NSD2: variants seen among roughly 807,000 people sequenced by gnomAD.
The protein encoded by NSD2 is histone-lysine N-methyltransferase NSD2.
In NSD2, 12 loss-of-function variants were observed where a neutral mutation model predicts 139.0. The observed-to-expected ratio is 0.09, with a 90% CI of 0.06 to 0.14. NSD2 has a LOEUF of 0.14. NSD2 is among the 10% of genes least tolerant of loss of function. The pLI, the probability that NSD2 is intolerant of heterozygous loss-of-function variation, is 1.00. For missense variants in NSD2, 1,155 were observed against 1,745.0 expected (o/e 0.66, Z 6.02); for synonymous variants, 669 against 648.7 (o/e 1.03, Z -0.48).
chr4:1,874,166 T>C (rs887781740), intron 1 of NSD2, among the ~76,000 whole-genome samples: 2 of 152,240 alleles, frequency 1.3e-5, no homozygotes, highest in Non-Finnish European at 2.9e-5. Context: ...TGTTTTTGTT[T>C]TGTTTTTTGG....
chr4:1,886,752 C>T (rs750044677), intron 1 of NSD2, among the ~76,000 whole-genome samples: 4 of 151,938 alleles, frequency 2.6e-5, no homozygotes, highest in East Asian at 3.9e-4. Context: ...GCAGGGTACT[C>T]GCTTGAACCT....
At chr4:1,947,465 C>G in intron 9 of NSD2, 1 of 1,058,600 alleles carries the variant, frequency 9.4e-7, no homozygotes, top group Non-Finnish European at 1.1e-6. Context: ...AGCCCTGACC[C>G]TAGAATTTAG....
intron 3 of NSD2, 142 bp downstream of exon 3, chr4:1,904,520 A>C (rs1717628847): frequency 1.2e-6 from 1 of 862,194 alleles, no homozygotes; most frequent in Middle Eastern, 2.7e-4. Context: ...GATTGATTCA[A>C]GTGTGATGTG....
intron 18 of NSD2, among the ~76,000 whole-genome samples, chr4:1,966,589 G>C (rs574758473): frequency 6.6e-6 from 1 of 151,490 alleles, no homozygotes; most frequent in East Asian, 1.9e-4. Context: ...CCCGGGAGGC[G>C]GAACTTGCAG....
chr4:1,917,593 C>T (rs1271277773), intron 4 of NSD2, among the ~76,000 whole-genome samples: 3 of 151,898 alleles, frequency 2.0e-5, no homozygotes, highest in Non-Finnish European at 2.9e-5. Flanking sequence ...CCTGCCACCA[C>T]GCCTGGCTAA....
chr4:1,947,379 C>T, intron 9 of NSD2: 2 of 1,061,316 alleles, frequency 1.9e-6, no homozygotes, highest in Non-Finnish European at 2.3e-6. Context: ...AAAGCCTGTG[C>T]AGGTTAGAAG....
At chr4:1,872,722 A>G (rs1250532851) in intron 1 of NSD2, among the ~76,000 whole-genome samples, 1 of 152,058 alleles carries the variant, frequency 6.6e-6, no homozygotes, top group Admixed American at 6.5e-5. Flanking sequence ...CACCTGCTTC[A>G]CAGACTTTCA....
intron 1 of NSD2, among the ~76,000 whole-genome samples, chr4:1,879,409 C>T (rs942949209): frequency 1.3e-5 from 2 of 152,096 alleles, no homozygotes; most frequent in East Asian, 1.9e-4. Flanking sequence ...TTAGTAGAGA[C>T]GGGGTTTCAC....
intron 1 of NSD2, among the ~76,000 whole-genome samples, chr4:1,897,354 G>T (rs1432339746): frequency 6.6e-6 from 1 of 152,040 alleles, no homozygotes; most frequent in African/African-American, 2.4e-5. Flanking sequence ...GCATGGTGGG[G>T]TGCACCTATA....
At chr4:1,951,647 C>G (rs1347774296) in intron 10 of NSD2, among the ~76,000 whole-genome samples, 1 of 152,132 alleles carries the variant, frequency 6.6e-6, no homozygotes, top group Non-Finnish European at 1.5e-5. Flanking sequence ...CCCACAGGAC[C>G]CCAGCCAGGC....
Position 1,947,467 on chromosome 4 carries a change from A to G in NSD2, c.1882-3605A>G, listed in dbSNP as rs1329387206. ...GAGACTCACCCCCAGCCCTGACCCT[A>G]GAATTTAGGGATAGCCAGGAAGTTT... On this transcript the variant is annotated intron_variant, in intron 9 of 21. Transcript: ENST00000508803. 3.8e-6 allele frequency: 4 copies of G among 1,058,456 alleles called. No homozygotes were observed. In the East Asian group the frequency reaches 1.6e-4, roughly 41 times the overall value. The allele number at this position is 1,058,456 out of a possible 1,614,324, so 65.6% of individuals were successfully genotyped here.
At chr4:1,896,596 G>T (rs1245558533) in intron 1 of NSD2, among the ~76,000 whole-genome samples, 1 of 152,108 alleles carries the variant, frequency 6.6e-6, no homozygotes, top group Non-Finnish European at 1.5e-5. Context: ...AAACTGCTGG[G>T]TTCAAGCAAT....
At chr4:1,911,158 G>A (rs536808736) in intron 3 of NSD2, among the ~76,000 whole-genome samples, 1 of 152,120 alleles carries the variant, frequency 6.6e-6, no homozygotes, top group Admixed American at 6.5e-5. Flanking sequence ...GGCTGTGATG[G>A]GGAAAAAAGG....
rs936048684 is a variant in NSD2, at chr4:1,928,574, C to T, written c.1411-2052C>T. Reference sequence around the variant, plus strand: ...GATGATGACACTTTCCTGGCTTCCCCGCAGAAGCCGTCTGTGGTGGCTGTC... The same window carrying T: ...GATGATGACACTTTCCTGGCTTCCCTGCAGAAGCCGTCTGTGGTGGCTGTC... On this transcript the variant is annotated intron_variant, in intron 5 of 21. Transcript: ENST00000508803. Among the ~76,000 whole-genome samples the T allele has an allele frequency of 2.6e-5, 4 of 152,300 alleles. No individual in the cohort carries two copies. In the South Asian group the frequency reaches 6.2e-4, roughly 24 times the overall value.
At position 1,948,025 on chromosome 4, in the gene NSD2, G is replaced by C; in HGVS notation, c.1882-3047G>C. The C allele has an allele frequency of 9.5e-7, 1 of 1,056,174 alleles. No individual in the cohort carries two copies. The highest frequency in any genetic ancestry group is 1.1e-6 in the Non-Finnish European group (1 of 873,426). 65.4% of individuals were successfully genotyped at this position (1,056,174 alleles called of 1,614,324 possible). A position where few individuals can be genotyped will look rare whatever the true frequency, so the allele number is the denominator to read the frequency against. On this transcript the variant is annotated intron_variant, in intron 9 of 21. Coordinates refer to ENST00000508803, the MANE Select transcript of NSD2 (RefSeq NM_001042424.3). This position sits in a 1 kb window ranked among gnomAD's most constrained non-coding sequence, Gnocchi z 4.5. The stretch of plus-strand genomic sequence containing the variant: ...CCGTTATGTTTGGTAATATCATCTT[G>C]AAAAGTCCCTGTAATAGATCAAGGA...
chr4:1,972,675 G>C lies in NSD2; in HGVS notation c.3373-2188G>C, dbSNP rs190443845. Among the ~76,000 whole-genome samples, 46 of 152,228 alleles carry C rather than the reference G, an allele frequency of 3.0e-4. No homozygotes were observed. Among genetic ancestry groups the C allele is most frequent in the African/African-American group, 1.0e-3 (42 of 41,448 alleles). On this transcript the variant is annotated intron_variant, in intron 18 of 21. Coordinates refer to ENST00000508803, the MANE Select transcript of NSD2 (RefSeq NM_001042424.3). The surrounding 1 kb of genome is among the most constrained non-coding windows in gnomAD (Gnocchi z 4.0). ...ATGGATTGAACAGCTAGGAGTGGGGGAGATGCATTTTATAATCTGTGTGGT... is the reference window on the plus strand; with the variant it reads ...ATGGATTGAACAGCTAGGAGTGGGGCAGATGCATTTTATAATCTGTGTGGT...
intron 11 of NSD2, 113 bp downstream of exon 11, chr4:1,952,344 C>T: frequency 6.8e-7 from 1 of 1,479,672 alleles, no homozygotes; most frequent in Non-Finnish European, 9.1e-7. Context: ...CCTCCCCACC[C>T]CCACCGCCTG....
At chr4:1,877,499 A>G (rs1210380298) in intron 1 of NSD2, among the ~76,000 whole-genome samples, 2 of 152,164 alleles carry the variant, frequency 1.3e-5, no homozygotes, top group East Asian at 3.9e-4. Flanking sequence ...TGTGTGGTCA[A>G]TTTTTGTTCC....
At chr4:1,954,648 C>T (rs1206877975) in intron 12 of NSD2, 2 of 153,460 alleles carry the variant, frequency 1.3e-5, no homozygotes, top group Non-Finnish European at 2.9e-5. Flanking sequence ...AGCCACCACA[C>T]CCAGCCTGTT....
Sources: gnomAD v4.1 joint callset for allele counts (sites outside exome capture counted in the v4.1 genomes callset) on GRCh38, gnomAD v4.1.1 for gene constraint, Gnocchi (gnomAD v3.1) non-coding constraint, MANE v1.5 for transcripts, NCBI Gene and HGNC (gene_info 2026-07-23, HGNC 2026-07-21) for gene names.